BRAF: variants seen among roughly 807,000 people sequenced by gnomAD.
BRAF encodes the protein B-Raf proto-oncogene, serine/threonine kinase, also known as serine/threonine-protein kinase B-raf.
Under a neutral mutation model 104.6 loss-of-function variants are expected in BRAF, and 16 were observed. That is an observed-to-expected ratio of 0.15 (90% CI 0.10 to 0.23). The LOEUF is 0.23. Among genes scored for constraint, BRAF ranks in the 10% least tolerant of loss-of-function variants. The pLI is 1.00. For synonymous variants in BRAF, 310 were observed against 341.6 expected (o/e 0.91, Z 1.02); for missense variants, 541 against 937.3 (o/e 0.58, Z 5.52).
intron 18 of BRAF, among the ~76,000 whole-genome samples, chr7:140,736,234 A>G (rs964914238): frequency 7.7e-5 from 10 of 130,652 alleles, no homozygotes; most frequent in African/African-American, 2.9e-4. Context: ...CCACGCCCGG[A>G]TAATTTTGTA....
intron 14 of BRAF, among the ~76,000 whole-genome samples, chr7:140,762,946 T>C (rs936639019): frequency 8.5e-5 from 13 of 152,200 alleles, no homozygotes; most frequent in African/African-American, 3.1e-4. Context: ...ATCAACAGGA[T>C]CACAAGGCAG....
At position 140,778,054 on chromosome 7, in the gene BRAF, A is replaced by G. The variant is rs397507475; in HGVS notation, c.1574T>C (p.Leu525Ser). Residue 525 changes from leucine (L) to serine (S), a missense_variant, in exon 13 of 20, where the codon TTG (leucine) becomes TCG (serine). By Grantham distance (145) the Leu-to-Ser change is moderately radical. Around this residue, in one of 10 missense-constraint regions of BRAF, gnomAD observed 109 missense variants for 143.9 expected, o/e 0.76. Transcript: ENST00000644969. ...CTGAGGTGTAGGTGCTGTCACATTCAACATTTTCACTGCCACATCACCTAA... is the reference window on the plus strand; with the variant it reads ...CTGAGGTGTAGGTGCTGTCACATTCGACATTTTCACTGCCACATCACCTAA... ...KWHGDVAVKM[L>S]NVTAPTPQQL... 6.2e-7 allele frequency: 1 copy of G among 1,613,374 alleles called. No homozygotes were observed. The highest frequency in any genetic ancestry group is 8.5e-7 in the Non-Finnish European group (1 of 1,179,714).
chr7:140,905,413 T>C (rs568040885), intron 1 of BRAF, among the ~76,000 whole-genome samples: 1 of 152,324 alleles, frequency 6.6e-6, no homozygotes, highest in Non-Finnish European at 1.5e-5. Context: ...CAATAATGCT[T>C]TCTGCCTTAC....
At chr7:140,828,476 T>TGAGAGA (rs765071815) in intron 3 of BRAF, among the ~76,000 whole-genome samples, 1 of 152,212 alleles carries the variant, frequency 6.6e-6, no homozygotes, top group African/African-American at 2.4e-5. Context: ...CATTTCTAGT[T>TGAGAGA]GAGAGAGATA....
chr7:140,785,166 T>C (rs926918844), intron 10 of BRAF, among the ~76,000 whole-genome samples: 6 of 152,072 alleles, frequency 3.9e-5, no homozygotes, highest in Admixed American at 1.3e-4. Context: ...ACACATCCCA[T>C]ATTGGGGGAA....
At chr7:140,833,200 T>TA (rs1263822507) in intron 3 of BRAF, among the ~76,000 whole-genome samples, 1 of 152,114 alleles carries the variant, frequency 6.6e-6, no homozygotes, top group Non-Finnish European at 1.5e-5. Context: ...TAGTTAAACT[T>TA]AATCATTAGG....
chr7:140,847,206 T>G (rs2092546451), intron 2 of BRAF, among the ~76,000 whole-genome samples: 1 of 152,046 alleles, frequency 6.6e-6, no homozygotes, highest in South Asian at 2.1e-4. Flanking sequence ...TAAAACTCAT[T>G]TATATGTTCA....
chr7:140,826,671 A>T (rs1806086837), intron 3 of BRAF, among the ~76,000 whole-genome samples: 1 of 152,184 alleles, frequency 6.6e-6, no homozygotes. Flanking sequence ...TGTACCCTCT[A>T]CTGTGTATAA....
At chr7:140,881,363 T>C (rs918553560) in intron 1 of BRAF, among the ~76,000 whole-genome samples, 1 of 152,224 alleles carries the variant, frequency 6.6e-6, no homozygotes, top group Admixed American at 6.5e-5. Context: ...TGGTTTGATA[T>C]TCTATCCAGA....
rs1168403566 is a variant in BRAF, at chr7:140,724,780, T to C, written c.*1714A>G. The C allele has an allele frequency of 1.1e-5, 11 of 1,035,332 alleles. No homozygotes were observed. Among genetic ancestry groups the C allele is most frequent in the Non-Finnish European group, 1.3e-5 (11 of 860,304 alleles). The allele number at this position is 1,035,332 out of a possible 1,614,324, so 64.1% of individuals were successfully genotyped here. ...TTTCTTTCAAGTCCTTGGCTATAGC[T>C]TGGTTGGTCTGATTTGATTTGTGTT... On this transcript the variant is annotated 3_prime_UTR_variant, in exon 20 of 20. Coordinates refer to ENST00000644969, the MANE Select transcript of BRAF (RefSeq NM_001374258.1).
At chr7:140,734,536 A>C (rs914348557) in intron 19 of BRAF, 137 of 1,611,566 alleles carry the variant, frequency 8.5e-5, no homozygotes, top group Non-Finnish European at 1.1e-4. Flanking sequence ...CATATAAGCA[A>C]ACATATGTTC....
At chr7:140,892,935 G>C (rs1325709940) in intron 1 of BRAF, among the ~76,000 whole-genome samples, 2 of 152,182 alleles carry the variant, frequency 1.3e-5, no homozygotes, top group Non-Finnish European at 2.9e-5. Flanking sequence ...TTGAACATAA[G>C]ATATAAAAGG....
At chr7:140,832,418 C>T (rs1806862743) in intron 3 of BRAF, among the ~76,000 whole-genome samples, 1 of 152,232 alleles carries the variant, frequency 6.6e-6, no homozygotes, top group Non-Finnish European at 1.5e-5. Context: ...GAACTTGGAA[C>T]ACAGCATGGC....
At chr7:140,734,290 C>T in intron 19 of BRAF, 1 of 1,229,114 alleles carries the variant, frequency 8.1e-7, no homozygotes, top group Non-Finnish European at 1.0e-6. Context: ...GCATGAGAAA[C>T]TGAAGTTTAC....
At chr7:140,921,428 T>A (rs1225839742) in intron 1 of BRAF, among the ~76,000 whole-genome samples, 8 of 152,172 alleles carry the variant, frequency 5.3e-5, no homozygotes, top group African/African-American at 1.4e-4. Flanking sequence ...GTGAAATTTG[T>A]TCATTCCCCA....
chr7:140,716,868 TA>T (rs1359926307), downstream of BRAF, among the ~76,000 whole-genome samples: 2 of 152,236 alleles, frequency 1.3e-5, no homozygotes, highest in Non-Finnish European at 2.9e-5. Flanking sequence ...AGAACTATTT[TA>T]TAGAAGAGGT....
chr7:140,827,539 T>C (rs1336383269), intron 3 of BRAF, among the ~76,000 whole-genome samples: 3 of 152,232 alleles, frequency 2.0e-5, no homozygotes, highest in Non-Finnish European at 4.4e-5. Context: ...GTTATCTTTA[T>C]GTATTCTGGT....
At chr7:140,901,414 G>A (rs930438578) in intron 1 of BRAF, among the ~76,000 whole-genome samples, 3 of 152,088 alleles carry the variant, frequency 2.0e-5, no homozygotes, top group African/African-American at 4.8e-5. Flanking sequence ...AAAATTTGCC[G>A]AGTGGAAAAA....
Position 140,726,396 on chromosome 7 carries a change from T to C in BRAF, c.*98A>G. 2.7e-6 allele frequency: 4 copies of C among 1,509,372 alleles called. No individual in the cohort carries two copies. Among genetic ancestry groups the C allele is most frequent in the Non-Finnish European group, 3.5e-6 (4 of 1,137,180 alleles). The allele number at this position is 1,509,372 out of a possible 1,614,324, so 93.5% of individuals were successfully genotyped here. A position where few individuals can be genotyped will look rare whatever the true frequency, so the allele number is the denominator to read the frequency against. ...CTTATGCATTGGAAATTTTGTATCT[T>C]TAAAAAAAGATTTGAGGAACAGAAC... is the stretch of plus-strand genomic sequence containing the variant. On this transcript the variant is annotated 3_prime_UTR_variant, in exon 20 of 20. Coordinates refer to ENST00000644969, the MANE Select transcript of BRAF (RefSeq NM_001374258.1).
Sources: allele counts gnomAD v4.1 joint callset (sites outside exome capture counted in the v4.1 genomes callset), GRCh38; gene constraint gnomAD v4.1.1; regional missense constraint gnomAD v4.1.1; transcripts MANE v1.5; gene names NCBI Gene and HGNC (gene_info 2026-07-23, HGNC 2026-07-21).